Variants in CTNNA2 observed in about 807,000 individuals in gnomAD.
CTNNA2 encodes catenin alpha 2.
A neutral mutation model predicts 101.0 loss-of-function variants in CTNNA2; 42 were observed. That is an observed-to-expected ratio of 0.42 (90% CI 0.32 to 0.54). CTNNA2 has a LOEUF of 0.54. Ranked by LOEUF, CTNNA2 falls within the 20% of genes least tolerant of loss-of-function variation. The pLI is 0.14. For synonymous variants in CTNNA2, 450 were observed against 456.4 expected (o/e 0.99, Z 0.18); for missense variants, 871 against 1,223.1 (o/e 0.71, Z 4.29).
At chr2:79,570,313 C>A (rs1675383910) in intron 1 of CTNNA2, among the ~76,000 whole-genome samples, 1 of 152,106 alleles carries the variant, frequency 6.6e-6, no homozygotes, top group African/African-American at 2.4e-5. Flanking sequence ...TTTGGGAAAG[C>A]TCTTAAAATC....
At chr2:79,399,177 T>C (rs1678263781) in intron 4 of CTNNA2, among the ~76,000 whole-genome samples, 1 of 152,186 alleles carries the variant, frequency 6.6e-6, no homozygotes, top group African/African-American at 2.4e-5. Context: ...ATTAACATTA[T>C]AGCTGCCTGA....
intron 3 of CTNNA2, among the ~76,000 whole-genome samples, chr2:79,345,482 C>T (rs1346873099): frequency 6.6e-6 from 1 of 152,164 alleles, no homozygotes; most frequent in Admixed American, 6.5e-5. Flanking sequence ...AAGACAATGA[C>T]CTCTCCTTTA....
At chr2:80,465,676 C>A (rs186556093) in intron 9 of CTNNA2, among the ~76,000 whole-genome samples, 1 of 152,054 alleles carries the variant, frequency 6.6e-6, no homozygotes, top group African/African-American at 2.4e-5. Flanking sequence ...CTCGCCCTAG[C>A]CCTCCCTCTA....
chr2:80,534,577 C>A (rs571658404), intron 9 of CTNNA2, among the ~76,000 whole-genome samples: 1 of 152,134 alleles, frequency 6.6e-6, no homozygotes, highest in African/African-American at 2.4e-5. Flanking sequence ...AGAATTCAGT[C>A]TAGCTGGGAA....
intron 7 of CTNNA2, among the ~76,000 whole-genome samples, chr2:80,220,511 C>T (rs1409028072): frequency 6.6e-6 from 1 of 152,212 alleles, no homozygotes; most frequent in African/African-American, 2.4e-5. Flanking sequence ...TGCTTGAGCT[C>T]AGGAGTTTGA....
chr2:79,810,490 GC>G (rs1676926019), intron 3 of CTNNA2, among the ~76,000 whole-genome samples: 1 of 151,182 alleles, frequency 6.6e-6, no homozygotes, highest in Non-Finnish European at 1.5e-5. Flanking sequence ...CTATCCTTTT[GC>G]CATTGAATTG....
At chr2:80,204,575 T>C (rs1707414116) in intron 7 of CTNNA2, among the ~76,000 whole-genome samples, 1 of 152,164 alleles carries the variant, frequency 6.6e-6, no homozygotes, top group Non-Finnish European at 1.5e-5. Flanking sequence ...GACCTTATTT[T>C]TTATATGCCT....
intron 2 of CTNNA2, among the ~76,000 whole-genome samples, chr2:79,256,418 C>T (rs943484412): frequency 6.6e-6 from 1 of 152,314 alleles, no homozygotes; most frequent in African/African-American, 2.4e-5. Context: ...CAGTGCCTGA[C>T]TCATAGCAGA....
intron 2 of CTNNA2, among the ~76,000 whole-genome samples, chr2:79,714,432 A>G (rs989575024): frequency 6.6e-6 from 1 of 152,126 alleles, no homozygotes; most frequent in African/African-American, 2.4e-5. Flanking sequence ...TCTCAATTCT[A>G]TTAGACATGT....
intron 9 of CTNNA2, among the ~76,000 whole-genome samples, chr2:80,491,103 T>C (rs1687026455): frequency 6.6e-6 from 1 of 152,216 alleles, no homozygotes; most frequent in African/African-American, 2.4e-5. Context: ...TGAACAAATA[T>C]GCAGTTCCTC....
intron 7 of CTNNA2, among the ~76,000 whole-genome samples, chr2:80,299,956 T>C (rs928442895): frequency 9.8e-5 from 15 of 152,288 alleles, no homozygotes; most frequent in Admixed American, 7.8e-4. Context: ...CTTCAGTTGC[T>C]ACATTTTTTG....
intron 7 of CTNNA2, among the ~76,000 whole-genome samples, chr2:80,094,604 C>A (rs1223582206): frequency 6.6e-6 from 1 of 152,120 alleles, no homozygotes; most frequent in African/African-American, 2.4e-5. Flanking sequence ...GGCAGTATGG[C>A]CATTTTCACG....
chr2:80,243,348 C>T (rs890735628), intron 7 of CTNNA2, among the ~76,000 whole-genome samples: 8 of 152,052 alleles, frequency 5.3e-5, no homozygotes, highest in African/African-American at 9.7e-5. Flanking sequence ...ATGGTTTCCA[C>T]GAGATAATCA....
chr2:80,002,070 C>A (rs1336100150), intron 7 of CTNNA2, among the ~76,000 whole-genome samples: 1 of 152,190 alleles, frequency 6.6e-6, no homozygotes, highest in Non-Finnish European at 1.5e-5. Flanking sequence ...TGCTTAGTGA[C>A]AACCCTAAAA....
chr2:80,126,873 G>A (rs1702164303), intron 7 of CTNNA2, among the ~76,000 whole-genome samples: 1 of 152,134 alleles, frequency 6.6e-6, no homozygotes, highest in African/African-American at 2.4e-5. Context: ...GAAAGAGAAT[G>A]GACTGGATGA....
intron 4 of CTNNA2, among the ~76,000 whole-genome samples, chr2:79,413,650 T>A (rs1228857414): frequency 6.6e-6 from 1 of 152,064 alleles, no homozygotes; most frequent in Non-Finnish European, 1.5e-5. Context: ...CTGTTTAACA[T>A]AATGATTATA....
rs1676546920 is a variant in CTNNA2 at position 79,318,429 on chromosome 2, C to T, written c.-318+5633C>T. The stretch of plus-strand genomic sequence containing the variant: ...TTCTTACTCCAGGGTGGCTATTACT[C>T]CACTGTTTAAAGCTTACCAGGTTCC... On this transcript the variant is annotated intron_variant, in intron 3 of 21. Transcript: ENST00000466387. Among the ~76,000 whole-genome samples, 5 of 152,236 alleles carry T rather than the reference C, an allele frequency of 3.3e-5. No homozygotes were observed. In the South Asian group the frequency reaches 1.0e-3, roughly 32 times the overall value.
At chr2:79,881,773 G>A (rs1683451844) in intron 6 of CTNNA2, among the ~76,000 whole-genome samples, 2 of 151,206 alleles carry the variant, frequency 1.3e-5, no homozygotes, top group South Asian at 4.2e-4. Context: ...TTGCCAGTCT[G>A]TGTCTTTTAA....
intron 7 of CTNNA2, among the ~76,000 whole-genome samples, chr2:80,368,018 A>T (rs988275318): frequency 6.6e-6 from 1 of 152,162 alleles, no homozygotes; most frequent in African/African-American, 2.4e-5. Context: ...AAATAAATGC[A>T]TGCAAAAAAT....
Sources: gnomAD v4.1 joint callset for allele counts (sites outside exome capture counted in the v4.1 genomes callset) on GRCh38, gnomAD v4.1.1 for gene constraint, MANE v1.5 for transcripts, NCBI Gene and HGNC (gene_info 2026-07-23, HGNC 2026-07-21) for gene names.